NARS2: variants seen among roughly 807,000 people sequenced by gnomAD.
NARS2 encodes the protein asparaginyl-tRNA synthetase 2, mitochondrial.
In NARS2, 60 loss-of-function variants were observed where a neutral mutation model predicts 62.9. That is an observed-to-expected ratio of 0.95 (90% CI 0.77 to 1.18). The LOEUF (loss-of-function observed/expected upper bound fraction) is 1.18. Ranked by LOEUF, NARS2 falls within the 50% of genes most tolerant of loss-of-function variation. The pLI is 0.00. For synonymous variants in NARS2, 196 were observed against 200.0 expected (o/e 0.98, Z 0.17); for missense variants, 619 against 576.4 (o/e 1.07, Z -0.76).
intron 6 of NARS2, among the ~76,000 whole-genome samples, chr11:78,525,904 C>T (rs564303309): frequency 6.6e-6 from 1 of 152,076 alleles, no homozygotes; most frequent in South Asian, 2.1e-4. Flanking sequence ...CCCAAATAAC[C>T]CTAGTCTAAT....
chr11:78,504,606 C>T (rs1860419062), intron 6 of NARS2, among the ~76,000 whole-genome samples: 1 of 152,066 alleles, frequency 6.6e-6, no homozygotes, highest in Non-Finnish European at 1.5e-5. Context: ...AATTTATTGG[C>T]AATTTTTTCT....
intron 6 of NARS2, among the ~76,000 whole-genome samples, chr11:78,496,575 A>G (rs1860066935): frequency 6.6e-6 from 1 of 152,168 alleles, no homozygotes; most frequent in South Asian, 2.1e-4. Flanking sequence ...ATGATGCTCA[A>G]AACAACACTG....
chr11:78,553,290 CTT>C (rs1191260081), intron 5 of NARS2, among the ~76,000 whole-genome samples: 3 of 150,836 alleles, frequency 2.0e-5, no homozygotes, highest in African/African-American at 7.3e-5. Context: ...TGCACCCCCC[CTT>C]TTTTTTTCTT....
At chr11:78,445,638 T>C (rs926266397) in intron 11 of NARS2, among the ~76,000 whole-genome samples, 1 of 152,092 alleles carries the variant, frequency 6.6e-6, no homozygotes, top group Non-Finnish European at 1.5e-5. Flanking sequence ...AAAAAACAAT[T>C]AAAAAAATTT....
chr11:78,572,973 A>G (rs1856985306), intron 1 of NARS2, among the ~76,000 whole-genome samples: 1 of 152,228 alleles, frequency 6.6e-6, no homozygotes, highest in African/African-American at 2.4e-5. Flanking sequence ...CAGACCTCAC[A>G]GGACTAAACT....
intron 5 of NARS2, among the ~76,000 whole-genome samples, chr11:78,544,667 G>A (rs1855778995): frequency 6.6e-6 from 1 of 151,966 alleles, no homozygotes; most frequent in Admixed American, 6.6e-5. Context: ...GGTGGTGGGT[G>A]CCTGTAGTCC....
At position 78,530,385 on chromosome 11, in the gene NARS2, C is replaced by T. The variant is rs147973085; in HGVS notation, c.595-1449G>A. On this transcript the variant is annotated intron_variant, in intron 5 of 13. Coordinates refer to ENST00000281038, the MANE Select transcript of NARS2 (RefSeq NM_024678.6). ...TTCTCCTTTCCTTCACCACTTTAGT[C>T]TATAATTTGTACTAATTTAACTTCA... Among the ~76,000 whole-genome samples, 127 of 152,152 alleles carry T rather than the reference C, an allele frequency of 8.3e-4. 1 individual carries two copies. Among genetic ancestry groups the T allele is most frequent in the Non-Finnish European group, 1.4e-3 (98 of 67,998 alleles).
intron 7 of NARS2, among the ~76,000 whole-genome samples, chr11:78,492,375 T>G (rs947245139): frequency 1.3e-5 from 2 of 152,200 alleles, no homozygotes; most frequent in African/African-American, 4.8e-5. Flanking sequence ...TTTATCTACC[T>G]CTAAATCATT....
chr11:78,495,034 T>C (rs114941565), intron 6 of NARS2, among the ~76,000 whole-genome samples: 2,457 of 152,298 alleles, frequency 0.016, 56 homozygotes, highest in African/African-American at 0.056. Flanking sequence ...GTGTAAACCT[T>C]TGTCTACTGC....
chr11:78,573,754 C>T (rs968557528), intron 1 of NARS2, among the ~76,000 whole-genome samples: 1 of 152,228 alleles, frequency 6.6e-6, no homozygotes, highest in Non-Finnish European at 1.5e-5. Flanking sequence ...ATTATTATCT[C>T]TTTCCATAAG....
At chr11:78,521,078 T>TAAA (rs112705556) in intron 6 of NARS2, among the ~76,000 whole-genome samples, 13,040 of 144,520 alleles carry the variant, frequency 0.09, 2,087 homozygotes, top group African/African-American at 0.32. Context: ...AAAAAAAAAG[T>TAAA]AGAAGAATGA....
intron 5 of NARS2, among the ~76,000 whole-genome samples, chr11:78,530,110 T>C (rs1341174237): frequency 6.6e-6 from 1 of 152,214 alleles, no homozygotes; most frequent in African/African-American, 2.4e-5. Flanking sequence ...AACTGCCTTT[T>C]TTTTTCAAAC....
In NARS2 at chr11:78,477,582, G is replaced by A. The variant is rs533582989; in HGVS notation, c.959+856C>T. On this transcript the variant is annotated intron_variant, in intron 9 of 13. Transcript: ENST00000281038. ...GTTAATTTTGTGTCAACTTGGCTGC[G>A]CCATGGTCTCCAGATATTTGGTCAA... Among the ~76,000 whole-genome samples, 4 of 152,280 alleles carry A rather than the reference G, an allele frequency of 2.6e-5. No individual in the cohort carries two copies. The South Asian group carries it at 8.3e-4, about 32-fold the overall frequency.
chr11:78,520,144 T>C (rs1285075667), intron 6 of NARS2, among the ~76,000 whole-genome samples: 4 of 152,230 alleles, frequency 2.6e-5, no homozygotes, highest in East Asian at 1.9e-4. Context: ...GAAATTGCTA[T>C]ATTCTGTTGG....
chr11:78,523,035 A>C (rs1299170640), intron 6 of NARS2, among the ~76,000 whole-genome samples: 1 of 152,246 alleles, frequency 6.6e-6, no homozygotes, highest in Non-Finnish European at 1.5e-5. Context: ...CAAATCATAT[A>C]TTTAATAAAG....
chr11:78,475,269 T>C (rs1859040433), intron 9 of NARS2, among the ~76,000 whole-genome samples: 1 of 152,172 alleles, frequency 6.6e-6, no homozygotes, highest in Non-Finnish European at 1.5e-5. Flanking sequence ...AGTATTCCAC[T>C]GTGTATATAT....
Position 78,436,319 on chromosome 11 carries a change from A to G in NARS2, c.*351T>C. Reference sequence around the variant, plus strand: ...ACTAGATGGTTCTCACAAATTACACAGGGAGTGATTTAATGATTATAGACA... The same window carrying G: ...ACTAGATGGTTCTCACAAATTACACGGGGAGTGATTTAATGATTATAGACA... On this transcript the variant is annotated 3_prime_UTR_variant, in exon 14 of 14. Coordinates refer to ENST00000281038, the MANE Select transcript of NARS2 (RefSeq NM_024678.6). 5.8e-6 allele frequency: 1 copy of G among 173,076 alleles called. No homozygotes were observed. The highest frequency in any genetic ancestry group is 1.2e-5 in the Non-Finnish European group (1 of 81,266). The allele number at this position is 173,076 out of a possible 1,614,324, so 10.7% of individuals were successfully genotyped here.
chr11:78,515,228 T>A (rs1031979569), intron 6 of NARS2, among the ~76,000 whole-genome samples: 15 of 152,238 alleles, frequency 9.9e-5, no homozygotes, highest in African/African-American at 2.9e-4. Flanking sequence ...CACCCACCCA[T>A]CAGCATAGCT....
At chr11:78,556,943 G>T (rs764988075) in intron 5 of NARS2, among the ~76,000 whole-genome samples, 1 of 152,172 alleles carries the variant, frequency 6.6e-6, no homozygotes, top group Non-Finnish European at 1.5e-5. Context: ...CCAACTTACC[G>T]GCTTGACAGG....
Sources: gnomAD v4.1 joint callset for allele counts (sites outside exome capture counted in the v4.1 genomes callset) on GRCh38, gnomAD v4.1.1 for gene constraint, MANE v1.5 for transcripts, NCBI Gene and HGNC (gene_info 2026-07-23, HGNC 2026-07-21) for gene names.